The following PIK3R4 variants were observed in gnomAD, a reference collection of about 807,000 sequenced individuals.
PIK3R4 encodes the protein phosphoinositide-3-kinase regulatory subunit 4.
PIK3R4 carries 46 observed loss-of-function variants against 136.5 expected under a neutral mutation model. That is an observed-to-expected ratio of 0.34 (90% CI 0.27 to 0.43). PIK3R4 has a LOEUF of 0.43. Ranked by LOEUF, PIK3R4 falls within the 20% of genes least tolerant of loss-of-function variation. The pLI, the probability that PIK3R4 is intolerant of heterozygous loss-of-function variation, is 1.00. For synonymous variants in PIK3R4, 557 were observed against 566.7 expected (o/e 0.98, Z 0.24); for missense variants, 1,331 against 1,649.5 (o/e 0.81, Z 3.35).
chr3:130,682,690 G>C (rs1308931772), intron 16 of PIK3R4, among the ~76,000 whole-genome samples: 2 of 152,072 alleles, frequency 1.3e-5, no homozygotes, highest in African/African-American at 4.8e-5. Flanking sequence ...CTGCTACTCT[G>C]CTGTTACCAG....
intron 4 of PIK3R4, among the ~76,000 whole-genome samples, chr3:130,731,932 G>A (rs1177654250): frequency 1.3e-5 from 2 of 152,240 alleles, no homozygotes; most frequent in East Asian, 3.8e-4. Flanking sequence ...CAAAGCTGCA[G>A]TGAGCCATGA....
Position 130,742,191 on chromosome 3 carries a change from G to C in PIK3R4, c.733+2295C>G, listed in dbSNP as rs372556112. On this transcript the variant is annotated intron_variant, in intron 2 of 19. Coordinates refer to ENST00000356763, the MANE Select transcript of PIK3R4 (RefSeq NM_014602.3). ...AACATTCAAATCTTAAGAGCACTGG[G>C]AAGTGGACAGATGCCACCCACCTCT... Among the ~76,000 whole-genome samples, 4 of 152,310 alleles carry C rather than the reference G, an allele frequency of 2.6e-5. No homozygotes were observed. In the East Asian group the frequency reaches 5.8e-4, roughly 22 times the overall value.
intron 18 of PIK3R4, 116 bp from the exon 19 acceptor site, chr3:130,680,837 A>G (rs576741483): frequency 1.3e-6 from 1 of 770,248 alleles, no homozygotes; most frequent in Admixed American, 2.7e-5. Context: ...AGAGGTTTTC[A>G]TAGAACAGCA....
rs968515734 is a variant in PIK3R4, at chr3:130,704,018, T to C, written c.2933-130A>G. On this transcript the variant is annotated intron_variant, in intron 12 of 19. Coordinates refer to ENST00000356763, the MANE Select transcript of PIK3R4 (RefSeq NM_014602.3). ...GAACTAAAATATTTGAAAGTACCAA[T>C]AGTTGCCAATAAAGAGTGGTCTACT... 16 of 620,900 alleles carry C rather than the reference T, an allele frequency of 2.6e-5. 2 individuals carry two copies. In the Admixed American group the frequency reaches 4.1e-4, roughly 16 times the overall value. The allele number at this position is 620,900 out of a possible 1,614,324, so 38.5% of individuals were successfully genotyped here.
rs550784876 is a variant in PIK3R4, at chr3:130,715,449, C to T, written c.2331+947G>A. 5.9e-5 allele frequency among the ~76,000 whole-genome samples: 9 copies of T among 152,144 alleles called. No homozygotes were observed. In the South Asian group the frequency reaches 1.7e-3, roughly 28 times the overall value. On this transcript the variant is annotated intron_variant, in intron 9 of 19. Coordinates refer to ENST00000356763, the MANE Select transcript of PIK3R4 (RefSeq NM_014602.3). ...TGTTTCCTGACTTTTTAATAACTGC[C>T]ATTCTGACTGGCATGAGATGGTGTC... is the stretch of plus-strand genomic sequence containing the variant.
At chr3:130,730,526 CATAA>C (rs2066755785) in intron 4 of PIK3R4, 84 bp from the exon 5 acceptor site, 4 of 906,468 alleles carry the variant, frequency 4.4e-6, no homozygotes, top group Admixed American at 5.9e-5. Context: ...TGTCTTTATA[CATAA>C]ATAATCATAA....
At chr3:130,697,648 CATATGT>C (rs1178040434) in intron 13 of PIK3R4, among the ~76,000 whole-genome samples, 1 of 152,176 alleles carries the variant, frequency 6.6e-6, no homozygotes, top group Admixed American at 6.5e-5. Context: ...CCTCCTCCCT[CATATGT>C]ATAACTATTG....
At chr3:130,690,278 C>T (rs1421934700) in intron 14 of PIK3R4, among the ~76,000 whole-genome samples, 3 of 152,094 alleles carry the variant, frequency 2.0e-5, no homozygotes, top group Non-Finnish European at 4.4e-5. Flanking sequence ...ACATAGATAC[C>T]ATCTTCTGAG....
At chr3:130,723,712 C>T in intron 6 of PIK3R4, 125 bp from the exon 7 acceptor site, 1 of 700,906 alleles carries the variant, frequency 1.4e-6, no homozygotes, top group Non-Finnish European at 2.2e-6. Flanking sequence ...GAACATTGCA[C>T]TTCCTACCCA....
At chr3:130,714,888 A>C (rs2066653796) in intron 9 of PIK3R4, among the ~76,000 whole-genome samples, 1 of 152,102 alleles carries the variant, frequency 6.6e-6, no homozygotes, top group Non-Finnish European at 1.5e-5. Context: ...TGCTATTGTA[A>C]ATAGTGCTAC....
At chr3:130,679,535 C>A (rs748611148) in intron 19 of PIK3R4, 50 bp from the exon 20 acceptor site, 2 of 1,357,470 alleles carry the variant, frequency 1.5e-6, no homozygotes, top group Non-Finnish European at 2.1e-6. Context: ...GTCTGTACCA[C>A]ATTTTTCCTC....
At chr3:130,713,258 C>T (rs2066642363) in intron 9 of PIK3R4, among the ~76,000 whole-genome samples, 1 of 152,182 alleles carries the variant, frequency 6.6e-6, no homozygotes, top group African/African-American at 2.4e-5. Flanking sequence ...AGAGGATTGT[C>T]CCCTAACCTT....
At chr3:130,716,636 T>A (rs1346815355) in intron 8 of PIK3R4, 37 bp from the exon 9 acceptor site, 7 of 1,262,662 alleles carry the variant, frequency 5.5e-6, no homozygotes, top group African/African-American at 1.5e-5. Flanking sequence ...GCCAAAAATA[T>A]AACATGTACA....
At chr3:130,689,055 A>G (rs75908670) in intron 14 of PIK3R4, among the ~76,000 whole-genome samples, 5,966 of 152,274 alleles carry the variant, frequency 0.039, 392 homozygotes, top group African/African-American at 0.14. Flanking sequence ...TTCCTTCCAC[A>G]AATTCTAATT....
chr3:130,705,013 T>C (rs550500726), intron 12 of PIK3R4, among the ~76,000 whole-genome samples: 1 of 152,092 alleles, frequency 6.6e-6, no homozygotes, highest in East Asian at 1.9e-4. Flanking sequence ...ATATTTTTCA[T>C]AGAGATGGGG....
intron 7 of PIK3R4, among the ~76,000 whole-genome samples, chr3:130,721,494 A>G (rs1224711765): frequency 6.6e-6 from 1 of 152,212 alleles, no homozygotes; most frequent in East Asian, 1.9e-4. Flanking sequence ...TAGGAAATCA[A>G]TTTAAGTGTC....
intron 1 of PIK3R4, among the ~76,000 whole-genome samples, chr3:130,745,875 T>C (rs893809542): frequency 1.3e-5 from 2 of 151,902 alleles, no homozygotes; most frequent in Non-Finnish European, 2.9e-5. Context: ...ATACAAAAAT[T>C]AGCCGGGCGT....
chr3:130,717,174 T>TC (rs1468151616), intron 8 of PIK3R4, among the ~76,000 whole-genome samples: 1 of 152,046 alleles, frequency 6.6e-6, no homozygotes, highest in South Asian at 2.1e-4. Context: ...TTTTTTTTTT[T>TC]CTGTGACTCT....
rs2066679542 is a variant in PIK3R4, at chr3:130,718,498, T to C, written c.2018A>G (p.Tyr673Cys). The C allele has an allele frequency of 6.2e-7, 1 of 1,613,704 alleles. No homozygotes were observed. The highest frequency in any genetic ancestry group is 1.3e-5 in the African/African-American group (1 of 74,846). ...FLCHPNLWIR[Y>C]GAVGFITVVA... ...CACTGTGATAAATCCCACGGCACCA[T>C]AACGTATCCATAAATTGGGATGACA... is the stretch of plus-strand genomic sequence containing the variant. The change falls in exon 8 of 20, where the codon TAT becomes TGT. Residue 673 changes from tyrosine to cysteine, a missense_variant. By Grantham distance (194) the Tyr-to-Cys change is radical. Coordinates refer to ENST00000356763, the MANE Select transcript of PIK3R4 (RefSeq NM_014602.3).
Sources: gnomAD v4.1 joint callset for allele counts (sites outside exome capture counted in the v4.1 genomes callset) on GRCh38, gnomAD v4.1.1 for gene constraint, MANE v1.5 for transcripts, NCBI Gene and HGNC (gene_info 2026-07-23, HGNC 2026-07-21) for gene names.